The following MGAT4A variants were observed in gnomAD, a reference collection of about 807,000 sequenced individuals.
The protein encoded by MGAT4A is alpha-1,3-mannosyl-glycoprotein 4-beta-N-acetylglucosaminyltransferase A, also known as N-acetylglucosaminyltransferase IVa.
Under a neutral mutation model 74.1 loss-of-function variants are expected in MGAT4A, and 33 were observed. That is an observed-to-expected ratio of 0.45 (90% CI 0.34 to 0.60). The LOEUF (loss-of-function observed/expected upper bound fraction) is 0.60. Among genes scored for constraint, MGAT4A ranks in the 20% least tolerant of loss-of-function variants. The probability of loss-of-function intolerance (pLI) is 0.02; values close to 1 mark genes in which losing one functional copy is unlikely to be tolerated. For synonymous variants in MGAT4A, 198 were observed against 210.4 expected, an observed-to-expected ratio of 0.94 and a Z score of 0.51; for missense variants, 479 against 628.3, an observed-to-expected ratio of 0.76 and a Z score of 2.54.
intron 4 of MGAT4A, among the ~76,000 whole-genome samples, chr2:98,669,590 T>C (rs1701885781): frequency 6.6e-6 from 1 of 152,202 alleles, no homozygotes; most frequent in Non-Finnish European, 1.5e-5. Context: ...AAATTTAAAT[T>C]ATTTAGCTTA....
intron 5 of MGAT4A, among the ~76,000 whole-genome samples, chr2:98,661,725 C>A (rs746502457): frequency 6.6e-6 from 1 of 152,000 alleles, no homozygotes; most frequent in Non-Finnish European, 1.5e-5. Flanking sequence ...TTATTAGAAC[C>A]CATTTAGTTA....
At chr2:98,701,612 A>G (rs1702357003) in intron 2 of MGAT4A, among the ~76,000 whole-genome samples, 1 of 152,210 alleles carries the variant, frequency 6.6e-6, no homozygotes, top group African/African-American at 2.4e-5. Flanking sequence ...TGTTTCAGGA[A>G]ATGGATGCTA....
rs79182941 is a variant in MGAT4A at position 98,684,966 on chromosome 2, G to A, written c.95-6495C>T. Among the ~76,000 whole-genome samples, 1,386 of 152,218 alleles carry A rather than the reference G, an allele frequency of 9.1e-3. 13 individuals are homozygous for A. Among genetic ancestry groups the A allele is most frequent in the Non-Finnish European group, 9.5e-3 (649 of 68,002 alleles). On this transcript the variant is annotated intron_variant, in intron 2 of 15. Coordinates refer to ENST00000393487, the MANE Select transcript of MGAT4A (RefSeq NM_012214.3). ...TGATAAGTCCTCTGGGCCGGGCATG[G>A]TGGCTCACACCTGAAATCCCAGTGC...
intron 2 of MGAT4A, among the ~76,000 whole-genome samples, chr2:98,696,266 T>C (rs1044417737): frequency 3.3e-5 from 5 of 152,230 alleles, no homozygotes; most frequent in African/African-American, 9.7e-5. Flanking sequence ...AATATATTCC[T>C]TTTTAGTAGG....
intron 2 of MGAT4A, among the ~76,000 whole-genome samples, chr2:98,707,778 C>A (rs1476507716): frequency 1.3e-5 from 2 of 152,174 alleles, no homozygotes; most frequent in African/African-American, 2.4e-5. Context: ...TCCACAACCA[C>A]CCTGCCTGTC....
intron 2 of MGAT4A, among the ~76,000 whole-genome samples, chr2:98,707,123 G>A (rs980372504): frequency 1.3e-5 from 2 of 152,116 alleles, no homozygotes; most frequent in Non-Finnish European, 2.9e-5. Context: ...GCTGAGGCAC[G>A]TGAATCACTT....
At chr2:98,714,566 A>T (rs1702566472) in intron 2 of MGAT4A, among the ~76,000 whole-genome samples, 1 of 152,190 alleles carries the variant, frequency 6.6e-6, no homozygotes. Flanking sequence ...TGCTCTGTGC[A>T]CTGAGAGGGA....
intron 2 of MGAT4A, among the ~76,000 whole-genome samples, chr2:98,720,335 G>C (rs1702649593): frequency 6.6e-6 from 1 of 152,198 alleles, no homozygotes; most frequent in South Asian, 2.1e-4. Flanking sequence ...AATCTACTAA[G>C]AGCCTGAGTA....
intron 1 of MGAT4A, among the ~76,000 whole-genome samples, chr2:98,727,183 G>A (rs762234767): frequency 7.9e-5 from 12 of 152,148 alleles, no homozygotes; most frequent in Middle Eastern, 3.4e-3. Context: ...AATAAATGTC[G>A]TTTTTCCAGT....
chr2:98,674,998 A>T, intron 4 of MGAT4A, 37 bp downstream of exon 4: 1 of 1,594,914 alleles, frequency 6.3e-7, no homozygotes, highest in Non-Finnish European at 8.5e-7. Context: ...ATTTAACAGC[A>T]GTAGTACAAC....
intron 2 of MGAT4A, among the ~76,000 whole-genome samples, chr2:98,682,241 G>T (rs2104294132): frequency 6.6e-6 from 1 of 152,132 alleles, no homozygotes; most frequent in South Asian, 2.1e-4. Context: ...TGACCAACAA[G>T]GAGAAATCCC....
chr2:98,727,701 C>G (rs890558975), intron 1 of MGAT4A, among the ~76,000 whole-genome samples: 7 of 152,224 alleles, frequency 4.6e-5, no homozygotes, highest in Admixed American at 3.3e-4. Context: ...TTCAAGCAGC[C>G]ATTTGCAGGC....
chr2:98,630,241 C>G (rs1055747677), intron 14 of MGAT4A, among the ~76,000 whole-genome samples: 1 of 152,240 alleles, frequency 6.6e-6, no homozygotes, highest in South Asian at 2.1e-4. Context: ...TCCACAGAAT[C>G]CATCCATAGA....
intron 14 of MGAT4A, among the ~76,000 whole-genome samples, chr2:98,627,074 T>C (rs1309440842): frequency 6.6e-6 from 1 of 152,212 alleles, no homozygotes; most frequent in East Asian, 1.9e-4. Context: ...ATTAAATGGA[T>C]TTTGAGATAT....
At chr2:98,697,316 C>G (rs932823934) in intron 2 of MGAT4A, among the ~76,000 whole-genome samples, 4 of 152,064 alleles carry the variant, frequency 2.6e-5, no homozygotes, top group Admixed American at 6.6e-5. Context: ...CTGTATGACT[C>G]CATTTATAAT....
chr2:98,645,902 A>AGAAG (rs1178494805), intron 8 of MGAT4A, among the ~76,000 whole-genome samples: 1 of 152,142 alleles, frequency 6.6e-6, no homozygotes, highest in Admixed American at 6.5e-5. Context: ...GGGGAAAAAG[A>AGAAG]GAAGGAGGAT....
At chr2:98,723,580 A>G (rs1330389822) in intron 2 of MGAT4A, among the ~76,000 whole-genome samples, 2 of 152,182 alleles carry the variant, frequency 1.3e-5, no homozygotes, top group Non-Finnish European at 2.9e-5. Context: ...AGAACCTTGC[A>G]GTACTGTGAT....
rs72825708 is a variant in MGAT4A, at chr2:98,622,806, C to T, written c.*2760G>A. ...TACACACAAACAATCAAAAACTAGACAACCGATTGTGTATGCAAGAGTATG... is the reference window on the plus strand; with the variant it reads ...TACACACAAACAATCAAAAACTAGATAACCGATTGTGTATGCAAGAGTATG... On this transcript the variant is annotated 3_prime_UTR_variant, in exon 16 of 16. Coordinates refer to ENST00000393487, the MANE Select transcript of MGAT4A (RefSeq NM_012214.3). 0.16 allele frequency: 153,017 copies of T among 985,362 alleles called. 11,933 individuals are homozygous for T. Among genetic ancestry groups the T allele is most frequent in the African/African-American group, 0.2 (11,507 of 57,272 alleles). 61.0% of individuals were successfully genotyped at this position (985,362 alleles called of 1,614,324 possible).
At position 98,623,073 on chromosome 2, in the gene MGAT4A, T is replaced by C; in HGVS notation, c.*2493A>G. 1 of 985,352 alleles carries C rather than the reference T, an allele frequency of 1.0e-6. No homozygotes were observed. Among genetic ancestry groups the C allele is most frequent in the Non-Finnish European group, 1.2e-6 (1 of 829,986 alleles). The allele number at this position is 985,352 out of a possible 1,614,324, so 61.0% of individuals were successfully genotyped here. Reference sequence around the variant, plus strand: ...GAGGAGGGCAGGCTGGAATAATTGGTCTCACATCCAGATGCTGACTGGCCA... The same window carrying C: ...GAGGAGGGCAGGCTGGAATAATTGGCCTCACATCCAGATGCTGACTGGCCA... On this transcript the variant is annotated 3_prime_UTR_variant, in exon 16 of 16. Coordinates refer to ENST00000393487, the MANE Select transcript of MGAT4A (RefSeq NM_012214.3).
Sources: gnomAD v4.1 joint callset for allele counts (sites outside exome capture counted in the v4.1 genomes callset) on GRCh38, gnomAD v4.1.1 for gene constraint, MANE v1.5 for transcripts, NCBI Gene and HGNC (gene_info 2026-07-23, HGNC 2026-07-21) for gene names.